Variants in CELF2 observed in about 807,000 individuals in gnomAD.
The protein encoded by CELF2 is CUG triplet repeat RNA-binding protein 2.
In CELF2, 8 loss-of-function variants were observed where a neutral mutation model predicts 62.6. The observed-to-expected ratio is 0.13, with a 90% confidence interval of 0.07 to 0.23. The LOEUF (loss-of-function observed/expected upper bound fraction) is 0.23, where lower values mean the gene tolerates loss of function less well. Among genes scored for constraint, CELF2 ranks in the 10% least tolerant of loss-of-function variants. The probability of loss-of-function intolerance (pLI) is 1.00; values close to 1 mark genes in which losing one functional copy is unlikely to be tolerated. For synonymous variants in CELF2, 258 were observed against 250.0 expected, an observed-to-expected ratio of 1.03 and a Z score of -0.30; for missense variants, 333 against 671.0, an observed-to-expected ratio of 0.50 and a Z score of 5.56.
intron 1 of CELF2, among the ~76,000 whole-genome samples, chr10:11,067,273 C>T (rs551966720): frequency 2.6e-5 from 4 of 152,236 alleles, no homozygotes; most frequent in East Asian, 3.9e-4. Context: ...ACTGGGCTTA[C>T]GTTAAGTCAT....
the CELF2 span, among the ~76,000 whole-genome samples, chr10:10,709,444 G>A: frequency 6.6e-6 from 1 of 152,016 alleles, no homozygotes; most frequent in Non-Finnish European, 1.5e-5. Context: ...CGCCCACCCT[G>A]CTTTTAACTG....
At chr10:10,960,723 C>A (rs182913114) in intron 2 of CELF2, among the ~76,000 whole-genome samples, 296 of 152,368 alleles carry the variant, frequency 1.9e-3, no homozygotes, top group African/African-American at 6.6e-3. Context: ...GCAGCAGAGA[C>A]TTCTTATCAG....
chr10:10,868,725 T>C (rs1169259712), intron 1 of CELF2, among the ~76,000 whole-genome samples: 1 of 152,228 alleles, frequency 6.6e-6, no homozygotes, highest in Non-Finnish European at 1.5e-5. Flanking sequence ...CATGTTCTTA[T>C]CACTATGTTG....
At position 10,928,587 on chromosome 10, in the gene CELF2, A is replaced by G. The variant is rs1364076074; in HGVS notation, c.89+8588A>G. On this transcript the variant is annotated intron_variant, in intron 2 of 13. Transcript: ENST00000636488. This position sits in a 1 kb window ranked among gnomAD's most constrained non-coding sequence, Gnocchi z 4.8. The stretch of plus-strand genomic sequence containing the variant: ...CATCACAGTTGAGTAGCTGTGGCAG[A>G]GACGGTATAGCCCCCAAACTGAAAA... 1.3e-5 allele frequency among the ~76,000 whole-genome samples: 2 copies of G among 152,318 alleles called. No homozygotes were observed. The highest frequency in any genetic ancestry group is 4.8e-5 in the African/African-American group (2 of 41,574).
chr10:10,746,722 G>A, the CELF2 span, among the ~76,000 whole-genome samples: 18 of 152,234 alleles, frequency 1.2e-4, no homozygotes, highest in African/African-American at 4.3e-4. Flanking sequence ...TGATTTTAGA[G>A]TTGCTATTCT....
rs1005287668 is a variant in CELF2 at position 11,203,226 on chromosome 10, C to T, written c.272-14199C>T. ...CTCTTCCTCAGACAAAACCCAGTGG[C>T]TGCTAATCAGTGTGTGGTGTGGAGA... On this transcript the variant is annotated intron_variant, in intron 2 of 12. Coordinates refer to ENST00000633077, the MANE Select transcript of CELF2 (RefSeq NM_001326342.2). Among the ~76,000 whole-genome samples, 3 of 152,118 alleles carry T rather than the reference C, an allele frequency of 2.0e-5. No homozygotes were observed. The East Asian group carries it at 5.8e-4, about 29-fold the overall frequency.
intron 2 of CELF2, among the ~76,000 whole-genome samples, chr10:11,206,895 C>T (rs1262469124): frequency 7.2e-5 from 11 of 152,204 alleles, no homozygotes; most frequent in Admixed American, 5.9e-4. Flanking sequence ...CAAATGCACA[C>T]GTCACCCTAC....
At chr10:10,534,285 A>G in the CELF2 span, among the ~76,000 whole-genome samples, 1 of 152,130 alleles carries the variant, frequency 6.6e-6, no homozygotes, top group African/African-American at 2.4e-5. Context: ...AGTAAAGAAA[A>G]AACACTTAAA....
At chr10:10,523,410 C>T in the CELF2 span, among the ~76,000 whole-genome samples, 1 of 152,168 alleles carries the variant, frequency 6.6e-6, no homozygotes, top group Non-Finnish European at 1.5e-5. Flanking sequence ...TTTACTTCAA[C>T]TTTTATTGTA....
chr10:10,628,221 T>A, the CELF2 span, among the ~76,000 whole-genome samples: 1 of 152,126 alleles, frequency 6.6e-6, no homozygotes, highest in Admixed American at 6.5e-5. Context: ...TTAATTCTTA[T>A]CTAACCTTAA....
chr10:10,497,886 C>T, the CELF2 span, among the ~76,000 whole-genome samples: 7 of 152,196 alleles, frequency 4.6e-5, no homozygotes, highest in Admixed American at 1.3e-4. Flanking sequence ...TTAACATCTT[C>T]ACTCTGGATT....
At chr10:10,617,866 A>C in the CELF2 span, among the ~76,000 whole-genome samples, 1 of 152,080 alleles carries the variant, frequency 6.6e-6, no homozygotes, top group Non-Finnish European at 1.5e-5. Flanking sequence ...TTAACATTCC[A>C]ATTCAATAAC....
the CELF2 span, among the ~76,000 whole-genome samples, chr10:10,591,451 T>G: frequency 7.2e-5 from 11 of 152,118 alleles, no homozygotes; most frequent in African/African-American, 2.4e-4. Context: ...TACATACATA[T>G]AGATGTATAC....
At chr10:11,136,033 C>T (rs1310468295) in intron 1 of CELF2, among the ~76,000 whole-genome samples, 1 of 152,092 alleles carries the variant, frequency 6.6e-6, no homozygotes, top group Admixed American at 6.5e-5. Flanking sequence ...AGGCACTTGG[C>T]TAGATGGTGG....
At chr10:10,802,706 A>G (rs1202209039) in intron 1 of CELF2, among the ~76,000 whole-genome samples, 1 of 152,194 alleles carries the variant, frequency 6.6e-6, no homozygotes, top group Non-Finnish European at 1.5e-5. Flanking sequence ...AAGGGAATAG[A>G]TGAATTGACT....
chr10:11,258,314 T>C (rs1373851543), intron 5 of CELF2, among the ~76,000 whole-genome samples: 1 of 152,184 alleles, frequency 6.6e-6, no homozygotes, highest in Non-Finnish European at 1.5e-5. Context: ...AAAGCGTCAA[T>C]GTTCACATGT....
chr10:10,561,671 T>G, the CELF2 span, among the ~76,000 whole-genome samples: 1 of 152,134 alleles, frequency 6.6e-6, no homozygotes, highest in Non-Finnish European at 1.5e-5. Context: ...TTATGGCCAC[T>G]CACCTCAGCC....
chr10:10,984,961 A>G (rs753823778), intron 2 of CELF2, among the ~76,000 whole-genome samples: 18 of 152,174 alleles, frequency 1.2e-4, no homozygotes, highest in Non-Finnish European at 2.4e-4. Flanking sequence ...GGGCATGTGA[A>G]TGTGGTCAAT....
At chr10:10,498,637 C>T in the CELF2 span, among the ~76,000 whole-genome samples, 11 of 152,162 alleles carry the variant, frequency 7.2e-5, no homozygotes, top group African/African-American at 9.7e-5. Flanking sequence ...AGTCAAGCTT[C>T]GCCTTCCTCT....
Sources: gnomAD v4.1 joint callset for allele counts (sites outside exome capture counted in the v4.1 genomes callset) on GRCh38, gnomAD v4.1.1 for gene constraint, Gnocchi (gnomAD v3.1) non-coding constraint, MANE v1.5 for transcripts, NCBI Gene and HGNC (gene_info 2026-07-23, HGNC 2026-07-21) for gene names.